The following A2M variants were observed in gnomAD, a reference collection of about 807,000 sequenced individuals.
A2M encodes the protein C3 and PZP-like alpha-2-macroglobulin domain-containing protein 5.
In A2M, 128 loss-of-function variants were observed where a neutral mutation model predicts 183.9. That is an observed-to-expected ratio of 0.70 (90% CI 0.60 to 0.81). A2M has a LOEUF of 0.81. Among genes scored for constraint, A2M ranks in the 30% least tolerant of loss-of-function variants. The pLI, the probability that A2M is intolerant of heterozygous loss-of-function variation, is 0.00. For synonymous variants in A2M, 592 were observed against 670.8 expected, an observed-to-expected ratio of 0.88 and a Z score of 1.81; for missense variants, 1,495 against 1,787.6, an observed-to-expected ratio of 0.84 and a Z score of 2.95.
intron 15 of A2M, 147 bp downstream of exon 15, chr12:9,098,460 C>A: frequency 3.1e-6 from 2 of 636,950 alleles, no homozygotes; most frequent in Non-Finnish European, 4.6e-6. Context: ...AATTCCTTAC[C>A]AATGAAAGCC....
intron 32 of A2M, among the ~76,000 whole-genome samples, chr12:9,070,163 T>G (rs755632951): frequency 1.1e-4 from 16 of 152,250 alleles, no homozygotes; most frequent in Non-Finnish European, 2.2e-4. Context: ...GTAATACTTA[T>G]AGTTTATGCC....
chr12:9,101,540 T>A lies in A2M; in HGVS notation c.1401A>T (p.Glu467Asp), dbSNP rs759128463. The change falls in exon 12 of 36, where the codon GAA becomes GAT. Residue 467 changes from glutamate (E) to aspartate (D), a missense_variant. Glu to Asp is a conservative substitution (Grantham distance 45). Transcript: ENST00000318602. The stretch of plus-strand genomic sequence containing the variant: ...CTGTCTGAGTATGGCCACAGGGTAG[T>A]TCATGAGACATGGGCTCAAGGTGGA... Reference protein sequence around the residue: ...SFVHLEPMSHELPCGHTQTVQ... With the variant: ...SFVHLEPMSHDLPCGHTQTVQ... The A allele has an allele frequency of 1.2e-6, 2 of 1,613,936 alleles. No homozygotes were observed. The highest frequency in any genetic ancestry group is 2.2e-5 in the South Asian group (2 of 91,070).
intron 7 of A2M, among the ~76,000 whole-genome samples, chr12:9,108,928 T>C (rs760449308): frequency 1.5e-4 from 23 of 152,330 alleles, no homozygotes; most frequent in African/African-American, 4.6e-4. Flanking sequence ...CTGTTGATGA[T>C]TGAATTTCCC....
chr12:9,083,207 A>C (rs1592347567), intron 22 of A2M, among the ~76,000 whole-genome samples: 1 of 152,168 alleles, frequency 6.6e-6, no homozygotes, highest in East Asian at 1.9e-4. Context: ...ACTTGGACAC[A>C]GGAAGGGGAA....
chr12:9,071,772 C>G (rs1038848718), intron 31 of A2M, among the ~76,000 whole-genome samples: 3 of 152,184 alleles, frequency 2.0e-5, no homozygotes, highest in African/African-American at 7.2e-5. Context: ...AGGTCATGAT[C>G]TCATTCTTTT....
rs79510570 is a variant in A2M at position 9,109,264 on chromosome 12, A to T, written c.758+57T>A. On this transcript the variant is annotated intron_variant, in intron 7 of 35. Transcript: ENST00000318602. The stretch of plus-strand genomic sequence containing the variant: ...CGGAGAGAGTAGTTAAAATATCCCA[A>T]ATGGTGAGTCTCTTTTAAATAATCC... The T allele has an allele frequency of 4.9e-3, 6,929 of 1,418,450 alleles. 264 individuals carry two copies. The African/African-American group carries it at 0.082, about 17-fold the overall frequency. The allele number at this position is 1,418,450 out of a possible 1,614,324, so 87.9% of individuals were successfully genotyped here. A position where few individuals can be genotyped will look rare whatever the true frequency, so the allele number is the denominator to read the frequency against.
intron 33 of A2M, chr12:9,069,144 A>T (rs1451377539): frequency 9.5e-6 from 2 of 211,474 alleles, no homozygotes; most frequent in Non-Finnish European, 1.9e-5. Flanking sequence ...ATATCCAGAG[A>T]TTTGGTATAG....
At chr12:9,094,374 T>TATAC (rs1491280573) in intron 17 of A2M, among the ~76,000 whole-genome samples, 13 of 139,640 alleles carry the variant, frequency 9.3e-5, no homozygotes, top group African/African-American at 2.9e-4. Flanking sequence ...TATATATATA[T>TATAC]ACCTATACAT....
intron 6 of A2M, 73 bp from the exon 7 acceptor site, chr12:9,109,478 G>A (rs981034719): frequency 1.8e-6 from 2 of 1,136,324 alleles, no homozygotes; most frequent in Non-Finnish European, 2.6e-6. Context: ...CAGGTTCCCT[G>A]TAACAGTTCC....
chr12:9,113,394 G>A lies in A2M; in HGVS notation c.236C>T (p.Ala79Val), dbSNP rs759341812. The change falls in exon 2 of 36, where the codon GCG (alanine) becomes GTG (valine). Residue 79 changes from alanine (A) to valine (V), a missense_variant. By Grantham distance (64) the Ala-to-Val change is moderately conservative. Transcript: ENST00000318602. ...GACACAGTGGAGTACGTCATTCTCCGCCTCCAGGTCAGTGAAGAGGCTCCT... is the reference window on the plus strand; with the variant it reads ...GACACAGTGGAGTACGTCATTCTCCACCTCCAGGTCAGTGAAGAGGCTCCT... ...GNRSLFTDLE[A>V]ENDVLHCVAF... 2.5e-5 allele frequency: 40 copies of A among 1,613,328 alleles called. No individual in the cohort carries two copies. Among genetic ancestry groups the A allele is most frequent in the Middle Eastern group, 1.6e-4 (1 of 6,082 alleles).
At chr12:9,084,697 A>G (rs73244209) in intron 22 of A2M, among the ~76,000 whole-genome samples, 2,568 of 152,266 alleles carry the variant, frequency 0.017, 77 homozygotes, top group African/African-American at 0.059. Flanking sequence ...CCTTGAATGC[A>G]AATGGACTAA....
intron 1 of A2M, among the ~76,000 whole-genome samples, chr12:9,114,824 A>C (rs1473202870): frequency 6.6e-6 from 1 of 152,148 alleles, no homozygotes; most frequent in Non-Finnish European, 1.5e-5. Context: ...TAAATATTAA[A>C]CATTTCCTTC....
intron 22 of A2M, 41 bp from the exon 23 acceptor site, chr12:9,080,218 G>T: frequency 3.0e-6 from 4 of 1,353,510 alleles, no homozygotes; most frequent in South Asian, 1.3e-5. Flanking sequence ...AATTATTTCT[G>T]CATTATATCT....
intron 15 of A2M, among the ~76,000 whole-genome samples, chr12:9,097,092 C>T (rs1565594513): frequency 6.6e-6 from 1 of 152,260 alleles, no homozygotes; most frequent in East Asian, 1.9e-4. Context: ...ATCTACCCAT[C>T]AGGGTTGTTA....
rs370213648 is a variant in A2M at position 9,107,525 on chromosome 12, T to G, written c.878A>C (p.Gln293Pro). Residue 293 changes from glutamine to proline, a missense_variant and splice_region_variant, in exon 8 of 36, where the codon CAG becomes CCG. Transcript: ENST00000318602. ...TAGAAAAAATAGTGTTCAACCTACC[T>G]GTCCACTGAATTTCTCACAGAAAGC... ...SQAFCEKFSG[Q>P]LNSHGCFYQQ... 1.2e-6 allele frequency: 2 copies of G among 1,613,898 alleles called. No individual in the cohort carries two copies. Among genetic ancestry groups the G allele is most frequent in the East Asian group, 4.5e-5 (2 of 44,878 alleles).
Position 9,109,914 on chromosome 12 carries a change from T to G in A2M, c.626A>C (p.Lys209Thr). 1 of 1,613,738 alleles carries G rather than the reference T, an allele frequency of 6.2e-7. No individual in the cohort carries two copies. Among genetic ancestry groups the G allele is most frequent in the South Asian group, 1.1e-5 (1 of 90,984 alleles). Residue 209 changes from lysine (K) to threonine (T), a missense_variant, in exon 6 of 36, where the codon AAG becomes ACG. Physicochemically the swap from Lys to Thr is moderately conservative, Grantham distance 78 (BLOSUM62 -1). Coordinates refer to ENST00000318602, the MANE Select transcript of A2M (RefSeq NM_000014.6). Reference protein sequence around the residue: ...FQGSYKVVVQKKSGGRTEHPF... With the variant: ...FQGSYKVVVQTKSGGRTEHPF... Reference sequence around the variant, plus strand: ...GTGCTCTGTCCTTCCACCTGATTTCTTCTGTACCACCACCTTGTAGGAGCC... The same window carrying G: ...GTGCTCTGTCCTTCCACCTGATTTCGTCTGTACCACCACCTTGTAGGAGCC...
chr12:9,089,441 G>GA (rs1949142274), intron 21 of A2M, among the ~76,000 whole-genome samples, 190 bp from the exon 22 acceptor site: 1 of 152,092 alleles, frequency 6.6e-6, no homozygotes. Flanking sequence ...GAAAAATTAA[G>GA]AAAGTAAATC....
chr12:9,092,686 T>A (rs1949249877), intron 18 of A2M, among the ~76,000 whole-genome samples: 1 of 152,166 alleles, frequency 6.6e-6, no homozygotes. Flanking sequence ...CCACAGCCAT[T>A]ATGGAAAACA....
rs941133563 is a variant in A2M, at chr12:9,073,016, T to G, written c.3757-145A>C. 6.3e-6 allele frequency: 4 copies of G among 636,280 alleles called. No homozygotes were observed. The African/African-American group carries it at 7.3e-5, about 12-fold the overall frequency. The allele number at this position is 636,280 out of a possible 1,614,324, so 39.4% of individuals were successfully genotyped here. On this transcript the variant is annotated intron_variant, in intron 29 of 35. Coordinates refer to ENST00000318602, the MANE Select transcript of A2M (RefSeq NM_000014.6). Reference sequence around the variant, plus strand: ...TAGGAGCTGTAATTTCAAGATTGATTATAATCTTTAGATAGTTGAAGAACC... The same window carrying G: ...TAGGAGCTGTAATTTCAAGATTGATGATAATCTTTAGATAGTTGAAGAACC...
Sources: gnomAD v4.1 joint callset for allele counts (sites outside exome capture counted in the v4.1 genomes callset) on GRCh38, gnomAD v4.1.1 for gene constraint, MANE v1.5 for transcripts, NCBI Gene and HGNC (gene_info 2026-07-23, HGNC 2026-07-21) for gene names.